Variants in MALRD1 observed in about 807,000 individuals in gnomAD.
MALRD1 encodes MAM and LDL receptor class A domain containing 1, also known as MAM and LDL-receptor class A domain-containing protein 1.
A neutral mutation model predicts 242.1 loss-of-function variants in MALRD1; 247 were observed. That is an observed-to-expected ratio of 1.02 (90% CI 0.92 to 1.13). The LOEUF (loss-of-function observed/expected upper bound fraction) is 1.13. MALRD1 is among the 50% of genes most tolerant of loss of function. MALRD1 has a pLI of 0.00. For missense variants in MALRD1, 2,989 were observed against 2,533.1 expected, an observed-to-expected ratio of 1.18 and a Z score of -3.86; for synonymous variants, 995 against 866.6, an observed-to-expected ratio of 1.15 and a Z score of -2.60.
chr10:19,431,124 C>T (rs1589062025), intron 28 of MALRD1, among the ~76,000 whole-genome samples: 1 of 152,028 alleles, frequency 6.6e-6, no homozygotes, highest in East Asian at 1.9e-4. Context: ...TTAAGCCCAT[C>T]ATATATTAGC....
In MALRD1 at chr10:19,389,542, C is replaced by T. The variant is rs1398448922; in HGVS notation, c.4778C>T (p.Ala1593Val). Residue 1593 changes from alanine to valine, a missense_variant, in exon 28 of 40, where the codon GCC becomes GTC. Transcript: ENST00000454679. ...RSTMWRESSA[A>V]CTMSFWYFVS... Reference sequence around the variant, plus strand: ...ACCATGTGGCGAGAATCCAGTGCAGCCTGCACCATGAGCTTCTGGTATTTC... The same window carrying T: ...ACCATGTGGCGAGAATCCAGTGCAGTCTGCACCATGAGCTTCTGGTATTTC... 1.3e-6 allele frequency: 2 copies of T among 1,550,586 alleles called. No homozygotes were observed. Among genetic ancestry groups the T allele is most frequent in the Non-Finnish European group, 1.7e-6 (2 of 1,146,952 alleles).
chr10:19,668,418 A>G (rs913900667), intron 36 of MALRD1, among the ~76,000 whole-genome samples: 4 of 152,148 alleles, frequency 2.6e-5, no homozygotes, highest in Admixed American at 6.6e-5. Flanking sequence ...CAGTCACCCA[A>G]TCCAGCCCAC....
At chr10:19,426,866 T>A (rs1026948247) in intron 28 of MALRD1, among the ~76,000 whole-genome samples, 3 of 152,140 alleles carry the variant, frequency 2.0e-5, no homozygotes, top group African/African-American at 2.4e-5. Context: ...GGGTAGGATT[T>A]TATATATATT....
chr10:19,369,255 CTT>C (rs950425531), intron 26 of MALRD1, among the ~76,000 whole-genome samples: 3 of 144,948 alleles, frequency 2.1e-5, no homozygotes, highest in African/African-American at 7.5e-5. Flanking sequence ...TAAATATACA[CTT>C]ATGTTGTATA....
Position 19,700,908 on chromosome 10 carries a change from C to T in MALRD1, c.6314+8354C>T, listed in dbSNP as rs370932666. Reference sequence around the variant, plus strand: ...GTGCAGTGGCTCATACCTGTAATCCCAACACTTTGGGAGGCCAAGGTGAGG... The same window carrying T: ...GTGCAGTGGCTCATACCTGTAATCCTAACACTTTGGGAGGCCAAGGTGAGG... On this transcript the variant is annotated intron_variant, in intron 38 of 39. Coordinates refer to ENST00000454679, the MANE Select transcript of MALRD1 (RefSeq NM_001142308.3). Among the ~76,000 whole-genome samples the T allele has an allele frequency of 1.6e-4, 25 of 152,212 alleles. 1 individual carries two copies. Among genetic ancestry groups the T allele is most frequent in the African/African-American group, 5.5e-4 (23 of 41,536 alleles).
In MALRD1 at chr10:19,238,519, T is replaced by C. The variant is rs111156765; in HGVS notation, c.2992-19165T>C. ...ATATAATATAATATATAATGTATAT[T>C]ATATATAATATACATTATATATAAT... On this transcript the variant is annotated intron_variant, in intron 18 of 39. Coordinates refer to ENST00000454679, the MANE Select transcript of MALRD1 (RefSeq NM_001142308.3). 8.3e-5 allele frequency among the ~76,000 whole-genome samples: 6 copies of C among 72,304 alleles called. No homozygotes were observed. The South Asian group carries it at 1.0e-3, about 12-fold the overall frequency. The allele number at this position is 72,304 out of a possible 152,430, so 47.4% of individuals were successfully genotyped here. A position where few individuals can be genotyped will look rare whatever the true frequency, so the allele number is the denominator to read the frequency against.
rs186256490 is a variant in MALRD1, at chr10:19,164,804, A to G, written c.1657-833A>G. On this transcript the variant is annotated intron_variant, in intron 12 of 39. Coordinates refer to ENST00000454679, the MANE Select transcript of MALRD1 (RefSeq NM_001142308.3). The stretch of plus-strand genomic sequence containing the variant: ...CATAATCCTCTCTATTCTCTTCACT[A>G]TGTAGTTAAGCCATCAAACCTTTAG... 2.0e-3 allele frequency among the ~76,000 whole-genome samples: 308 copies of G among 152,196 alleles called. 1 individual carries two copies. The highest frequency in any genetic ancestry group is 6.7e-3 in the African/African-American group (279 of 41,546).
chr10:19,249,248 G>C (rs891448615), intron 18 of MALRD1, among the ~76,000 whole-genome samples: 6 of 151,798 alleles, frequency 4.0e-5, no homozygotes. Context: ...AAGGAGGACA[G>C]TCATGGCAAA....
At chr10:19,363,077 T>C (rs1466635417) in intron 26 of MALRD1, among the ~76,000 whole-genome samples, 1 of 152,130 alleles carries the variant, frequency 6.6e-6, no homozygotes, top group East Asian at 1.9e-4. Flanking sequence ...GTCCATCGTC[T>C]AGGCACGTAC....
At chr10:19,638,130 A>T (rs975477059) in intron 36 of MALRD1, among the ~76,000 whole-genome samples, 1 of 142,698 alleles carries the variant, frequency 7.0e-6, no homozygotes. Flanking sequence ...AAAAAAAAAT[A>T]GAATTCGGTA....
intron 24 of MALRD1, among the ~76,000 whole-genome samples, chr10:19,334,902 T>G (rs1037097806): frequency 6.6e-6 from 1 of 152,096 alleles, no homozygotes; most frequent in Non-Finnish European, 1.5e-5. Context: ...AGATATAGTT[T>G]AGTGTAATTT....
chr10:19,088,572 TATTTATTTA>T (rs1484158493), intron 4 of MALRD1, among the ~76,000 whole-genome samples: 6 of 108,030 alleles, frequency 5.6e-5, no homozygotes, highest in East Asian at 5.2e-4. Flanking sequence ...AGTTTTTTTT[TATTTATTTA>T]TTTATTTATT....
rs1842923339 is a variant in MALRD1, at chr10:19,321,799, C to T, written c.3420-2150C>T. Reference sequence around the variant, plus strand: ...CCTTCTTGCTCCCACTTCCTGGTATCCTATGTCAATTAAAAAGACTTTAGC... The same window carrying T: ...CCTTCTTGCTCCCACTTCCTGGTATTCTATGTCAATTAAAAAGACTTTAGC... On this transcript the variant is annotated intron_variant, in intron 21 of 39. Coordinates refer to ENST00000454679, the MANE Select transcript of MALRD1 (RefSeq NM_001142308.3). Among the ~76,000 whole-genome samples the T allele has an allele frequency of 1.3e-5, 2 of 152,026 alleles. 1 individual carries two copies. Among genetic ancestry groups the T allele is most frequent in the South Asian group, 4.2e-4 (2 of 4,818 alleles).
rs1833360280 is a variant in MALRD1, at chr10:19,136,837, G to A, written c.1411+56G>A. On this transcript the variant is annotated intron_variant, in intron 10 of 39. Transcript: ENST00000454679. ...TGCTCTAATTCAAGACTGTTAGTTG[G>A]ATTTAAAACAGTCTTTGTTTCTATC... 6 of 1,132,894 alleles carry A rather than the reference G, an allele frequency of 5.3e-6. No individual in the cohort carries two copies. In the South Asian group the frequency reaches 2.7e-4, roughly 51 times the overall value. The allele number at this position is 1,132,894 out of a possible 1,614,324, so 70.2% of individuals were successfully genotyped here. A position where few individuals can be genotyped will look rare whatever the true frequency, so the allele number is the denominator to read the frequency against.
Position 19,048,844 on chromosome 10 carries a change from A to C in MALRD1, c.-95A>C. On this transcript the variant is annotated 5_prime_UTR_variant, in exon 1 of 40. Coordinates refer to ENST00000454679, the MANE Select transcript of MALRD1 (RefSeq NM_001142308.3). Reference sequence around the variant, plus strand: ...CAATAGTATCCAGTTATAAGAAGCAAATCTGGGAAAGGAAGAATAGAGAAA... The same window carrying C: ...CAATAGTATCCAGTTATAAGAAGCACATCTGGGAAAGGAAGAATAGAGAAA... 1 of 1,006,024 alleles carries C rather than the reference A, an allele frequency of 9.9e-7. No individual in the cohort carries two copies. The highest frequency in any genetic ancestry group is 1.7e-5 in the African/African-American group (1 of 60,078). 62.3% of individuals were successfully genotyped at this position (1,006,024 alleles called of 1,614,324 possible).
At position 19,175,340 on chromosome 10, in the gene MALRD1, C is replaced by T. The variant is rs761868021; in HGVS notation, c.1951+12C>T. 5 of 1,228,430 alleles carry T rather than the reference C, an allele frequency of 4.1e-6. No individual in the cohort carries two copies. Among genetic ancestry groups the T allele is most frequent in the Non-Finnish European group, 4.1e-6 (4 of 985,968 alleles). 76.1% of individuals were successfully genotyped at this position (1,228,430 alleles called of 1,614,324 possible). On this transcript the variant is annotated intron_variant, in intron 14 of 39. Coordinates refer to ENST00000454679, the MANE Select transcript of MALRD1 (RefSeq NM_001142308.3). ...TACACAAAGCAAGTGTAAGTTTTTC[C>T]TTGTCGTTGTTGCTGTTTTAAACAT...
intron 18 of MALRD1, 37 bp downstream of exon 18, chr10:19,209,717 G>GTA (rs1197520912): frequency 2.0e-6 from 3 of 1,465,630 alleles, no homozygotes; most frequent in Admixed American, 4.9e-5. Flanking sequence ...CATTTGAAAT[G>GTA]CATCTGAATG....
chr10:19,335,341 G>C (rs1411589525), intron 24 of MALRD1, among the ~76,000 whole-genome samples: 1 of 151,916 alleles, frequency 6.6e-6, no homozygotes, highest in Admixed American at 6.6e-5. Flanking sequence ...CCTGATTTTG[G>C]CGTTGGTTGC....
At chr10:19,306,205 T>C (rs1220896542) in intron 21 of MALRD1, among the ~76,000 whole-genome samples, 1 of 125,462 alleles carries the variant, frequency 8.0e-6, no homozygotes, top group Non-Finnish European at 1.6e-5. Flanking sequence ...ATATATAGTA[T>C]ATATATACAC....
Sources: allele counts gnomAD v4.1 joint callset (sites outside exome capture counted in the v4.1 genomes callset), GRCh38; gene constraint gnomAD v4.1.1; transcripts MANE v1.5; gene names NCBI Gene and HGNC (gene_info 2026-07-23, HGNC 2026-07-21).